COL5A1: variants seen among roughly 807,000 people sequenced by gnomAD.
COL5A1 encodes collagen type V alpha 1 chain.
A neutral mutation model predicts 263.7 loss-of-function variants in COL5A1; 16 were observed. The observed-to-expected ratio is 0.06, with a 90% CI of 0.04 to 0.09. COL5A1 has a LOEUF of 0.09. Ranked by LOEUF, COL5A1 falls within the 10% of genes least tolerant of loss-of-function variation. COL5A1 has a pLI of 1.00. For missense variants in COL5A1, 2,036 were observed against 2,540.5 expected, an observed-to-expected ratio of 0.80 and a Z score of 4.27; for synonymous variants, 1,012 against 1,004.5, an observed-to-expected ratio of 1.01 and a Z score of -0.14.
chr9:134,801,557 G>A (rs1356462673), intron 37 of COL5A1, among the ~76,000 whole-genome samples: 2 of 152,228 alleles, frequency 1.3e-5, no homozygotes, highest in Non-Finnish European at 2.9e-5. Flanking sequence ...GGGAGGCTGA[G>A]GCAGGTGGAT....
At chr9:134,814,928 G>A in intron 50 of COL5A1, 24 bp downstream of exon 50, 1 of 1,518,318 alleles carries the variant, frequency 6.6e-7, no homozygotes, top group Non-Finnish European at 8.9e-7. Flanking sequence ...ACACACCTCA[G>A]GGGCCCTGCA....
Position 134,703,516 on chromosome 9 carries a change from G to A in COL5A1, c.654+2183G>A, listed in dbSNP as rs112692119. Among the ~76,000 whole-genome samples the A allele has an allele frequency of 2.5e-3, 375 of 152,298 alleles. 3 individuals carry two copies. The highest frequency in any genetic ancestry group is 8.1e-3 in the African/African-American group (336 of 41,566). On this transcript the variant is annotated intron_variant, in intron 4 of 65. Coordinates refer to ENST00000371817, the MANE Select transcript of COL5A1 (RefSeq NM_000093.5). ...CAGTAAGGCTACCTGCACAGCTGCA[G>A]GGGAGGTTCTGGGCTTGGCCTGGGC...
chr9:134,720,641 G>A (rs778491323), intron 4 of COL5A1, among the ~76,000 whole-genome samples: 26 of 152,310 alleles, frequency 1.7e-4, no homozygotes, highest in Admixed American at 3.3e-4. Context: ...TAGGGCTTTC[G>A]TGAGCTTCGG....
At chr9:134,824,527 TC>T in intron 61 of COL5A1, 72 bp from the exon 62 acceptor site, 19 of 1,594,370 alleles carry the variant, frequency 1.2e-5, no homozygotes, top group Non-Finnish European at 1.6e-5. Flanking sequence ...GCCCCAGCTG[TC>T]CCTGCTCTGC....
chr9:134,827,439 G>A (rs1224259665), intron 63 of COL5A1, among the ~76,000 whole-genome samples: 2 of 152,208 alleles, frequency 1.3e-5, no homozygotes, highest in African/African-American at 2.4e-5. Flanking sequence ...ATCCAAACAC[G>A]GGGGCCTTCC....
intron 6 of COL5A1, among the ~76,000 whole-genome samples, chr9:134,729,982 G>C (rs1349745084): frequency 6.6e-6 from 1 of 152,208 alleles, no homozygotes; most frequent in African/African-American, 2.4e-5. Context: ...GTAACTGGGT[G>C]GGTTTGAGTC....
In COL5A1 at chr9:134,650,741, G is replaced by A. The variant is rs536692975; in HGVS notation, c.109+8445G>A. On this transcript the variant is annotated intron_variant, in intron 1 of 65. Coordinates refer to ENST00000371817, the MANE Select transcript of COL5A1 (RefSeq NM_000093.5). ...TCCCATTGGTGGATGCAGAGGGCAC[G>A]TTCCCGTGCATGTTCTTCCTCTGGC... 1.8e-3 allele frequency among the ~76,000 whole-genome samples: 274 copies of A among 152,384 alleles called. 1 individual carries two copies. Among genetic ancestry groups the A allele is most frequent in the South Asian group, 2.3e-3 (11 of 4,830 alleles).
intron 65 of COL5A1, among the ~76,000 whole-genome samples, chr9:134,838,947 G>A (rs1297820082): frequency 1.3e-5 from 2 of 152,200 alleles, no homozygotes; most frequent in African/African-American, 4.8e-5. Flanking sequence ...CAGGTGCCCT[G>A]CTGACCCCAG....
chr9:134,801,883 C>T, intron 37 of COL5A1, 71 bp from the exon 38 acceptor site: 1 of 1,426,816 alleles, frequency 7.0e-7, no homozygotes, highest in South Asian at 1.1e-5. Context: ...AAGCGTCCTG[C>T]TGAGAACAGT....
At chr9:134,728,270 C>T (rs1834731201) in intron 5 of COL5A1, among the ~76,000 whole-genome samples, 1 of 152,244 alleles carries the variant, frequency 6.6e-6, no homozygotes. Flanking sequence ...CCCACTGAAG[C>T]CCTACCCGTG....
At chr9:134,676,668 A>C (rs1365680270) in intron 1 of COL5A1, among the ~76,000 whole-genome samples, 1 of 152,210 alleles carries the variant, frequency 6.6e-6, no homozygotes. Context: ...TTGTTTGTTC[A>C]TTGGTTGATT....
At chr9:134,728,358 A>G (rs1834734379) in intron 5 of COL5A1, among the ~76,000 whole-genome samples, 1 of 152,228 alleles carries the variant, frequency 6.6e-6, no homozygotes, top group South Asian at 2.1e-4. Flanking sequence ...ACAGACTGCC[A>G]TTCTGTTGGT....
intron 11 of COL5A1, among the ~76,000 whole-genome samples, chr9:134,747,761 T>C (rs983250781): frequency 4.2e-5 from 4 of 95,912 alleles, no homozygotes; most frequent in East Asian, 6.0e-4. Context: ...ACACATGCAT[T>C]CATACATGCA....
chr9:134,673,590 A>G (rs759899867), intron 1 of COL5A1, among the ~76,000 whole-genome samples: 2 of 152,204 alleles, frequency 1.3e-5, no homozygotes, highest in African/African-American at 2.4e-5. Context: ...TTTAAAGGTA[A>G]GATTTAAAAC....
intron 42 of COL5A1, among the ~76,000 whole-genome samples, chr9:134,808,718 G>T (rs1014175832): frequency 6.6e-6 from 1 of 152,224 alleles, no homozygotes; most frequent in Non-Finnish European, 1.5e-5. Flanking sequence ...CTTCATGTGT[G>T]AGCATGCATG....
chr9:134,744,764 T>C (rs1317284829), intron 11 of COL5A1, among the ~76,000 whole-genome samples: 1 of 150,886 alleles, frequency 6.6e-6, no homozygotes, highest in Admixed American at 6.6e-5. Flanking sequence ...TTCATGCACA[T>C]GCTCACTCAT....
rs1564438559 is a variant in COL5A1 at position 134,759,710 on chromosome 9, ACAC to A, written c.1935+1416_1935+1418del. On this transcript the variant is annotated intron_variant, in intron 18 of 65. Coordinates refer to ENST00000371817, the MANE Select transcript of COL5A1 (RefSeq NM_000093.5). ...CTCATACACATATGCACACATGCAC[ACAC>A]CCCCCCACCCCCACACTCATACACA... Among the ~76,000 whole-genome samples the A allele has an allele frequency of 2.0e-3, 154 of 76,070 alleles. 2 individuals carry two copies. The highest frequency in any genetic ancestry group is 6.0e-3 in the African/African-American group (80 of 13,300). The allele number at this position is 76,070 out of a possible 152,430, so 49.9% of individuals were successfully genotyped here.
intron 60 of COL5A1, 58 bp from the exon 61 acceptor site, chr9:134,823,358 G>T: frequency 1.3e-6 from 2 of 1,582,784 alleles, no homozygotes; most frequent in South Asian, 1.1e-5. Flanking sequence ...GCTGAAGGTG[G>T]ATTCAAAGTC....
At chr9:134,749,309 G>A (rs1049785677) in intron 11 of COL5A1, among the ~76,000 whole-genome samples, 4 of 152,228 alleles carry the variant, frequency 2.6e-5, no homozygotes, top group Non-Finnish European at 5.9e-5. Flanking sequence ...AGTGTGTCCA[G>A]CATGTGCGTC....
Sources: allele counts gnomAD v4.1 joint callset (sites outside exome capture counted in the v4.1 genomes callset), GRCh38; gene constraint gnomAD v4.1.1; transcripts MANE v1.5; gene names NCBI Gene and HGNC (gene_info 2026-07-23, HGNC 2026-07-21).